Variants in PKHD1 observed in about 807,000 individuals in gnomAD.
PKHD1 encodes the protein PKHD1 ciliary IPT domain containing fibrocystin/polyductin.
PKHD1 carries 291 observed loss-of-function variants against 412.0 expected under a neutral mutation model. That is an observed-to-expected ratio of 0.71 (90% CI 0.64 to 0.78). The LOEUF is 0.78. PKHD1 is among the 30% of genes least tolerant of loss of function. The pLI is 0.00. For missense variants in PKHD1, 4,825 were observed against 4,950.7 expected, an observed-to-expected ratio of 0.97 and a Z score of 0.76; for synonymous variants, 1,777 against 1,821.5, an observed-to-expected ratio of 0.98 and a Z score of 0.62.
intron 35 of PKHD1, among the ~76,000 whole-genome samples, chr6:51,971,131 C>T (rs773723923): frequency 6.6e-6 from 1 of 152,118 alleles, no homozygotes; most frequent in Non-Finnish European, 1.5e-5. Context: ...GATCTTTCAC[C>T]TCCTTGGTTA....
intron 61 of PKHD1, among the ~76,000 whole-genome samples, chr6:51,654,182 C>G (rs1386956821): frequency 1.3e-5 from 2 of 152,006 alleles, no homozygotes; most frequent in Non-Finnish European, 1.5e-5. Context: ...AATCATAAGT[C>G]GAAACCTTGA....
At position 51,616,727 on chromosome 6, in the gene PKHD1, G is replaced by T. The variant is rs1438631677; in HGVS notation, c.*2354C>A. 2.5e-6 allele frequency: 1 copy of T among 398,226 alleles called. No homozygotes were observed. Among genetic ancestry groups the T allele is most frequent in the Non-Finnish European group, 4.4e-6 (1 of 225,930 alleles). The allele number at this position is 398,226 out of a possible 1,614,324, so 24.7% of individuals were successfully genotyped here. A position where few individuals can be genotyped will look rare whatever the true frequency, so the allele number is the denominator to read the frequency against. Reference sequence around the variant, plus strand: ...GGATGGAATTAGTAAGATAATTATGGTTATTCCTACGCAGAGGGATAGGAT... The same window carrying T: ...GGATGGAATTAGTAAGATAATTATGTTTATTCCTACGCAGAGGGATAGGAT... On this transcript the variant is annotated 3_prime_UTR_variant, in exon 67 of 67. Transcript: ENST00000371117.
chr6:51,890,379 G>A (rs3789781), intron 43 of PKHD1, among the ~76,000 whole-genome samples: 61,425 of 150,966 alleles, frequency 0.41, 13,656 homozygotes, highest in East Asian at 0.86. Flanking sequence ...ACCCGGTCAC[G>A]GACAGAACAG....
intron 51 of PKHD1, among the ~76,000 whole-genome samples, chr6:51,833,039 T>C (rs1768545865): frequency 6.6e-6 from 1 of 152,136 alleles, no homozygotes; most frequent in Admixed American, 6.6e-5. Flanking sequence ...TTCCCAACAT[T>C]AGACCCAAAA....
intron 35 of PKHD1, among the ~76,000 whole-genome samples, chr6:51,975,233 T>C (rs1031216850): frequency 3.3e-5 from 5 of 152,140 alleles, no homozygotes; most frequent in Non-Finnish European, 7.3e-5. Flanking sequence ...TGATATTGTA[T>C]TTGACAATGA....
At chr6:52,009,894 C>T (rs2128115974) in intron 35 of PKHD1, among the ~76,000 whole-genome samples, 1 of 152,052 alleles carries the variant, frequency 6.6e-6, no homozygotes, top group Middle Eastern at 3.4e-3. Context: ...AGAGATGAAC[C>T]GAATGGACCT....
intron 60 of PKHD1, among the ~76,000 whole-genome samples, chr6:51,689,017 A>G (rs1043620324): frequency 6.6e-6 from 1 of 152,174 alleles, no homozygotes; most frequent in African/African-American, 2.4e-5. Flanking sequence ...TCATCCTGAT[A>G]CCAAAACCTG....
At chr6:51,710,103 G>A (rs1450304908) in intron 60 of PKHD1, among the ~76,000 whole-genome samples, 4 of 152,042 alleles carry the variant, frequency 2.6e-5, no homozygotes, top group East Asian at 1.9e-4. Context: ...CCAGCTACTC[G>A]GGAAGCTGAG....
chr6:51,705,635 C>T (rs1429190925), intron 60 of PKHD1, among the ~76,000 whole-genome samples: 2 of 152,054 alleles, frequency 1.3e-5, no homozygotes, highest in Non-Finnish European at 2.9e-5. Flanking sequence ...TCCCATAGGG[C>T]CCCATTTCCA....
Position 51,976,944 on chromosome 6 carries a change from T to TAAAAAAAAAAAAAAA in PKHD1, c.5752-16933_5752-16919dup, listed in dbSNP as rs10671492. 2.8e-3 allele frequency among the ~76,000 whole-genome samples: 263 copies of TAAAAAAAAAAAAAAA among 93,504 alleles called. 9 individuals are homozygous for TAAAAAAAAAAAAAAA. The highest frequency in any genetic ancestry group is 0.011 in the African/African-American group (240 of 21,896). The allele number at this position is 93,504 out of a possible 152,430, so 61.3% of individuals were successfully genotyped here. A position where few individuals can be genotyped will look rare whatever the true frequency, so the allele number is the denominator to read the frequency against. On this transcript the variant is annotated intron_variant, in intron 35 of 66. Coordinates refer to ENST00000371117, the MANE Select transcript of PKHD1 (RefSeq NM_138694.4). ...GCCTGGGTGATAGAGTGAGACTCCA[T>TAAAAAAAAAAAAAAA]AAAAAAAAAAAAAAAAAAAACCTGA...
In PKHD1 at chr6:52,044,826, A is replaced by T; in HGVS notation, c.2715+140T>A. On this transcript the variant is annotated intron_variant, in intron 25 of 66. Transcript: ENST00000371117. ...CATACCCTGTGGAGGTAGAAAAAGG[A>T]CAGCCATAAGTACCCCTGTTTTACA... 3 of 861,534 alleles carry T rather than the reference A, an allele frequency of 3.5e-6. No homozygotes were observed. In the Admixed American group the frequency reaches 5.1e-5, roughly 15 times the overall value. 53.4% of individuals were successfully genotyped at this position (861,534 alleles called of 1,614,324 possible). A position where few individuals can be genotyped will look rare whatever the true frequency, so the allele number is the denominator to read the frequency against.
intron 52 of PKHD1, among the ~76,000 whole-genome samples, chr6:51,828,059 T>A (rs1030727341): frequency 2.0e-5 from 3 of 152,084 alleles, no homozygotes; most frequent in Non-Finnish European, 4.4e-5. Context: ...CAAATAATAG[T>A]TTTTTATTTT....
At position 51,746,867 on chromosome 6, in the gene PKHD1, C is replaced by T. The variant is rs2150974776; in HGVS notation, c.9852G>A (p.Val3284=). ...KLQDVTFSSF[V]KSCYSDDLDV... is the part of the protein sequence containing the mutation. Reference sequence around the variant, plus strand: ...CCAGGTCATCGCTATAGCAACTCTTCACAAAACTAGAAAAGGTAACATCTG... The same window carrying T: ...CCAGGTCATCGCTATAGCAACTCTTTACAAAACTAGAAAAGGTAACATCTG... The change falls in exon 59 of 67, where the codon GTG becomes GTA. Residue 3284 remains valine (V), a synonymous_variant. Coordinates refer to ENST00000371117, the MANE Select transcript of PKHD1 (RefSeq NM_138694.4). 6.2e-7 allele frequency: 1 copy of T among 1,606,238 alleles called. No homozygotes were observed. The highest frequency in any genetic ancestry group is 8.5e-7 in the Non-Finnish European group (1 of 1,174,368).
chr6:51,696,271 G>A (rs979013361), intron 60 of PKHD1, among the ~76,000 whole-genome samples: 4 of 152,136 alleles, frequency 2.6e-5, no homozygotes, highest in African/African-American at 9.7e-5. Flanking sequence ...GAAGTGATGG[G>A]CAGACACAAA....
intron 43 of PKHD1, among the ~76,000 whole-genome samples, chr6:51,900,096 G>A (rs1583275642): frequency 1.3e-5 from 2 of 152,226 alleles, no homozygotes; most frequent in East Asian, 3.9e-4. Context: ...TACTGCCCAA[G>A]GTAATTTACA....
intron 35 of PKHD1, among the ~76,000 whole-genome samples, chr6:51,960,968 C>T (rs9474122): frequency 0.051 from 7,746 of 152,116 alleles, 667 homozygotes; most frequent in African/African-American, 0.18. Flanking sequence ...AGTATAATTA[C>T]GATAAACATA....
intron 60 of PKHD1, among the ~76,000 whole-genome samples, chr6:51,687,073 AGT>A (rs1443319834): frequency 1.3e-5 from 2 of 152,142 alleles, no homozygotes; most frequent in African/African-American, 4.8e-5. Flanking sequence ...CATTGTCAAG[AGT>A]GAATGAGAAG....
At chr6:51,833,553 C>T (rs1375289270) in intron 51 of PKHD1, among the ~76,000 whole-genome samples, 1 of 152,108 alleles carries the variant, frequency 6.6e-6, no homozygotes, top group African/African-American at 2.4e-5. Context: ...CAGAGATCTA[C>T]TGGGAGAATC....
At chr6:51,701,493 C>T (rs1779396518) in intron 60 of PKHD1, among the ~76,000 whole-genome samples, 1 of 152,044 alleles carries the variant, frequency 6.6e-6, no homozygotes, top group African/African-American at 2.4e-5. Context: ...ATTATAAATG[C>T]TCATGTTTAC....
Sources: gnomAD v4.1 joint callset for allele counts (sites outside exome capture counted in the v4.1 genomes callset) on GRCh38, gnomAD v4.1.1 for gene constraint, MANE v1.5 for transcripts, NCBI Gene and HGNC (gene_info 2026-07-23, HGNC 2026-07-21) for gene names.